Variants in SND1 observed in about 807,000 individuals in gnomAD.
SND1 encodes staphylococcal nuclease domain-containing protein 1.
In SND1, 38 loss-of-function variants were observed where a neutral mutation model predicts 121.7. That is an observed-to-expected ratio of 0.31 (90% CI 0.24 to 0.41). SND1 has a LOEUF of 0.41. Among genes scored for constraint, SND1 ranks in the 10% least tolerant of loss-of-function variants. The probability of loss-of-function intolerance (pLI) is 1.00; values close to 1 mark genes in which losing one functional copy is unlikely to be tolerated. For missense variants in SND1, 868 were observed against 1,184.6 expected (o/e 0.73, Z 3.92); for synonymous variants, 401 against 447.4 (o/e 0.90, Z 1.31).
At chr7:128,083,917 G>A (rs1793647583) in intron 18 of SND1, among the ~76,000 whole-genome samples, 1 of 152,194 alleles carries the variant, frequency 6.6e-6, no homozygotes, top group African/African-American at 2.4e-5. Flanking sequence ...GGCCCTGGGT[G>A]TTGCTAAAAC....
intron 11 of SND1, among the ~76,000 whole-genome samples, chr7:127,811,007 T>G (rs1214601862): frequency 6.6e-6 from 1 of 151,560 alleles, no homozygotes; most frequent in Non-Finnish European, 1.5e-5. Context: ...AGATGCTCAT[T>G]GTAAACTGTT....
chr7:127,760,463 T>C (rs1192769562), intron 10 of SND1, among the ~76,000 whole-genome samples: 1 of 152,226 alleles, frequency 6.6e-6, no homozygotes, highest in East Asian at 1.9e-4. Context: ...GTCTTTTTGT[T>C]TGCTTTCAAG....
At chr7:128,075,732 A>C (rs1793495702) in intron 17 of SND1, among the ~76,000 whole-genome samples, 1 of 152,184 alleles carries the variant, frequency 6.6e-6, no homozygotes, top group African/African-American at 2.4e-5. Context: ...GATGAAAGGG[A>C]CGGTCAGTGC....
At chr7:127,767,935 G>A (rs1797449803) in intron 10 of SND1, among the ~76,000 whole-genome samples, 1 of 152,196 alleles carries the variant, frequency 6.6e-6, no homozygotes, top group South Asian at 2.1e-4. Flanking sequence ...TGTGGAAAGA[G>A]GGGCTGCAGA....
At position 127,778,719 on chromosome 7, in the gene SND1, A is replaced by G. The variant is rs372523975; in HGVS notation, c.1153-28765A>G. Among the ~76,000 whole-genome samples, 31 of 152,332 alleles carry G rather than the reference A, an allele frequency of 2.0e-4. No individual in the cohort carries two copies. The South Asian group carries it at 5.8e-3, about 28-fold the overall frequency. On this transcript the variant is annotated intron_variant, in intron 10 of 23. Transcript: ENST00000354725. The stretch of plus-strand genomic sequence containing the variant: ...TATGTGAATATGAAATGGGTCTCAC[A>G]TAGTGCTTATGCATAATAGACATTT...
intron 13 of SND1, among the ~76,000 whole-genome samples, chr7:127,891,263 C>T (rs1267002049): frequency 2.0e-5 from 3 of 152,068 alleles, no homozygotes; most frequent in Non-Finnish European, 4.4e-5. Context: ...TGAGACAGGG[C>T]TTTGCTCTGT....
At chr7:127,935,042 G>A (rs1366626532) in intron 15 of SND1, among the ~76,000 whole-genome samples, 1 of 152,156 alleles carries the variant, frequency 6.6e-6, no homozygotes, top group African/African-American at 2.4e-5. Context: ...AAAACATCAA[G>A]TATATAAAAA....
At position 128,092,317 on chromosome 7, in the gene SND1, T is replaced by G; in HGVS notation, c.*259T>G. 2 of 465,270 alleles carry G rather than the reference T, an allele frequency of 4.3e-6. No homozygotes were observed. The highest frequency in any genetic ancestry group is 3.8e-6 in the Non-Finnish European group (1 of 262,444). The allele number at this position is 465,270 out of a possible 1,614,324, so 28.8% of individuals were successfully genotyped here. The stretch of plus-strand genomic sequence containing the variant: ...CCAGTTGGTTTTATTTGGAGGTTTG[T>G]GGGCTTTTTTTAAAAAAAAAAAGTC... On this transcript the variant is annotated 3_prime_UTR_variant, in exon 24 of 24. Transcript: ENST00000354725. The surrounding 1 kb of genome is among the most constrained non-coding windows in gnomAD (Gnocchi z 4.9).
At chr7:128,055,190 G>A (rs1793116271) in intron 16 of SND1, among the ~76,000 whole-genome samples, 1 of 152,134 alleles carries the variant, frequency 6.6e-6, no homozygotes, top group African/African-American at 2.4e-5. Context: ...CAGGGGGTTG[G>A]GAGGCAGGAA....
rs79279332 is a variant in SND1 at position 127,743,824 on chromosome 7, C to T, written c.1152+22424C>T. 5.8e-3 allele frequency among the ~76,000 whole-genome samples: 886 copies of T among 152,282 alleles called. 15 individuals carry two copies. The highest frequency in any genetic ancestry group is 0.02 in the African/African-American group (844 of 41,556). Reference sequence around the variant, plus strand: ...TTCACAGTTTGAGCATATTGTAATTCTGAGTATTTTTCCTGTTGAAATTGG... The same window carrying T: ...TTCACAGTTTGAGCATATTGTAATTTTGAGTATTTTTCCTGTTGAAATTGG... On this transcript the variant is annotated intron_variant, in intron 10 of 23. Coordinates refer to ENST00000354725, the MANE Select transcript of SND1 (RefSeq NM_014390.4).
intron 16 of SND1, among the ~76,000 whole-genome samples, chr7:128,016,265 G>A (rs1803222711): frequency 6.6e-6 from 1 of 150,872 alleles, no homozygotes; most frequent in South Asian, 2.1e-4. Flanking sequence ...CTATAGATGT[G>A]CACCACCCTG....
intron 16 of SND1, among the ~76,000 whole-genome samples, chr7:128,036,368 A>G (rs1792751278): frequency 6.6e-6 from 1 of 152,212 alleles, no homozygotes; most frequent in Admixed American, 6.5e-5. Context: ...ATTACTACCC[A>G]CAGTCATAAA....
chr7:127,821,738 G>GA (rs1798553675), intron 11 of SND1, among the ~76,000 whole-genome samples: 1 of 151,830 alleles, frequency 6.6e-6, no homozygotes, highest in Admixed American at 6.6e-5. Context: ...TAGCTGCGTA[G>GA]AAAGCACATA....
intron 16 of SND1, among the ~76,000 whole-genome samples, chr7:128,037,215 T>A (rs997797611): frequency 3.9e-5 from 6 of 152,222 alleles, no homozygotes; most frequent in Non-Finnish European, 7.3e-5. Flanking sequence ...CCAGAGGCCG[T>A]AGGGGAGAAT....
chr7:127,746,947 T>C (rs2116447492), intron 10 of SND1, among the ~76,000 whole-genome samples: 1 of 152,352 alleles, frequency 6.6e-6, no homozygotes, highest in South Asian at 2.1e-4. Flanking sequence ...TCAGTATAAC[T>C]TGGAGGCAAG....
At chr7:127,942,309 T>G (rs1271327524) in intron 15 of SND1, among the ~76,000 whole-genome samples, 3 of 152,308 alleles carry the variant, frequency 2.0e-5, no homozygotes, top group Middle Eastern at 3.4e-3. Flanking sequence ...ATATTAATAT[T>G]GAGTGTAAAA....
rs577020747 is a variant in SND1 at position 127,840,298 on chromosome 7, T to C, written c.1243-4026T>C. 2.6e-5 allele frequency among the ~76,000 whole-genome samples: 4 copies of C among 152,318 alleles called. No individual in the cohort carries two copies. In the South Asian group the frequency reaches 8.3e-4, roughly 32 times the overall value. On this transcript the variant is annotated intron_variant, in intron 11 of 23. Transcript: ENST00000354725. ...TGTTCTAATCTAGTGCTCTCGTTTT[T>C]AAGGTCAAGGGAAACTGAGACCCAA...
Position 127,739,698 on chromosome 7 carries a change from G to T in SND1, c.1152+18298G>T, listed in dbSNP as rs1253064617. 4.6e-5 allele frequency among the ~76,000 whole-genome samples: 7 copies of T among 152,228 alleles called. No homozygotes were observed. In the South Asian group the frequency reaches 6.2e-4, roughly 14 times the overall value. Reference sequence around the variant, plus strand: ...TCCCAGGGACAGCCATGGAAGAGATGTAGAAGTAAAATGCCACATTCCAAG... The same window carrying T: ...TCCCAGGGACAGCCATGGAAGAGATTTAGAAGTAAAATGCCACATTCCAAG... On this transcript the variant is annotated intron_variant, in intron 10 of 23. Coordinates refer to ENST00000354725, the MANE Select transcript of SND1 (RefSeq NM_014390.4).
intron 1 of SND1, among the ~76,000 whole-genome samples, chr7:127,678,590 G>GCA (rs1049051415): frequency 6.6e-6 from 1 of 151,926 alleles, no homozygotes; most frequent in Non-Finnish European, 1.5e-5. Flanking sequence ...AAACACATAC[G>GCA]CACACACACA....
Sources: allele counts gnomAD v4.1 joint callset (sites outside exome capture counted in the v4.1 genomes callset), GRCh38; gene constraint gnomAD v4.1.1; non-coding constraint Gnocchi (gnomAD v3.1); transcripts MANE v1.5; gene names NCBI Gene and HGNC (gene_info 2026-07-23, HGNC 2026-07-21).